Variants in CAVIN1 observed in about 807,000 individuals in gnomAD.
The protein encoded by CAVIN1 is caveolae-associated protein 1.
CAVIN1 carries 16 observed loss-of-function variants against 24.0 expected under a neutral mutation model. That is an observed-to-expected ratio of 0.67 (90% CI 0.45 to 1.01). CAVIN1 has a LOEUF of 1.01. Ranked by LOEUF, CAVIN1 falls within the 50% of genes least tolerant of loss-of-function variation. The pLI is 0.00. For missense variants in CAVIN1, 510 were observed against 551.7 expected, an observed-to-expected ratio of 0.92 and a Z score of 0.76; for synonymous variants, 256 against 256.4, an observed-to-expected ratio of 1.00 and a Z score of 0.02.
At chr17:42,420,101 A>G (rs1023141995) in intron 1 of CAVIN1, among the ~76,000 whole-genome samples, 1 of 151,564 alleles carries the variant, frequency 6.6e-6, no homozygotes, top group African/African-American at 2.4e-5. Flanking sequence ...CCACTGCCAC[A>G]TCATCACCTC....
intron 1 of CAVIN1, among the ~76,000 whole-genome samples, chr17:42,409,369 G>C (rs1387560676): frequency 1.3e-5 from 2 of 152,212 alleles, no homozygotes; most frequent in South Asian, 4.1e-4. Flanking sequence ...CCAAAGTGCT[G>C]AGATTTCTCG....
Position 42,411,207 on chromosome 17 carries a change from A to AC in CAVIN1, c.472-5820_472-5819insG, listed in dbSNP as rs1555586984. Among the ~76,000 whole-genome samples the AC allele has an allele frequency of 2.0e-4, 25 of 127,618 alleles. 3 individuals are homozygous for AC. In the South Asian group the frequency reaches 6.5e-3, roughly 33 times the overall value. 83.7% of individuals were successfully genotyped at this position (127,618 alleles called of 152,430 possible). On this transcript the variant is annotated intron_variant, in intron 1 of 1. Transcript: ENST00000357037. ...GACTATGTCTCAAAAAAAAAAAAAA[A>AC]AACTAAAAGGTCTGTATATGGGAGT...
intron 1 of CAVIN1, among the ~76,000 whole-genome samples, chr17:42,416,192 A>AC (rs1162685891): frequency 6.6e-6 from 1 of 151,990 alleles, no homozygotes; most frequent in Non-Finnish European, 1.5e-5. Context: ...ACATGGTGAA[A>AC]CCCCGTCTCT....
intron 1 of CAVIN1, among the ~76,000 whole-genome samples, chr17:42,417,929 G>C (rs4796652): frequency 0.51 from 76,803 of 151,980 alleles, 21,345 homozygotes; most frequent in Admixed American, 0.66. Flanking sequence ...CAAAGTGCTG[G>C]GATTACAGGT....
At chr17:42,405,679 C>CTTTTTTTTTTT (rs1567776651) in intron 1 of CAVIN1, among the ~76,000 whole-genome samples, 7 of 66,124 alleles carry the variant, frequency 1.1e-4, no homozygotes, top group Non-Finnish European at 1.6e-4. Flanking sequence ...TCTCTCTCTC[C>CTTTTTTTTTTT]TTGTTTTTTT....
chr17:42,411,270 T>G (rs1432490923), intron 1 of CAVIN1: 1 of 168,702 alleles, frequency 5.9e-6, no homozygotes, highest in African/African-American at 2.5e-5. Flanking sequence ...CAACAAAAAC[T>G]GGCTGGGTGA....
chr17:42,405,692 T>TTTTTTTTTG (rs2085441951), intron 1 of CAVIN1, among the ~76,000 whole-genome samples: 1 of 122,530 alleles, frequency 8.2e-6, no homozygotes, highest in Non-Finnish European at 1.6e-5. Flanking sequence ...GTTTTTTTTT[T>TTTTTTTTTG]TTTTTTTTTT....
chr17:42,423,220 A>T lies in CAVIN1; in HGVS notation c.-123T>A, dbSNP rs943960748. 1.7e-5 allele frequency: 14 copies of T among 801,642 alleles called. 1 individual carries two copies. In the South Asian group the frequency reaches 2.6e-4, roughly 15 times the overall value. The allele number at this position is 801,642 out of a possible 1,614,324, so 49.7% of individuals were successfully genotyped here. On this transcript the variant is annotated 5_prime_UTR_variant, in exon 1 of 2. Coordinates refer to ENST00000357037, the MANE Select transcript of CAVIN1 (RefSeq NM_012232.6). Reference sequence around the variant, plus strand: ...GAGAGCGGAGAGCAGAGGAAACTCGAGCCACGTCCGTGCGCACCGGGACAG... The same window carrying T: ...GAGAGCGGAGAGCAGAGGAAACTCGTGCCACGTCCGTGCGCACCGGGACAG...
chr17:42,407,757 T>C (rs187528608), intron 1 of CAVIN1, among the ~76,000 whole-genome samples: 2 of 152,314 alleles, frequency 1.3e-5, no homozygotes, highest in Admixed American at 6.5e-5. Context: ...GTGCAGATCA[T>C]GGGCAATCCT....
Position 42,404,842 on chromosome 17 carries a change from C to T in CAVIN1, c.1018G>A (p.Glu340Lys), listed in dbSNP as rs750106182. The T allele has an allele frequency of 6.2e-7, 1 of 1,613,746 alleles. No individual in the cohort carries two copies. The highest frequency in any genetic ancestry group is 8.5e-7 in the Non-Finnish European group (1 of 1,179,800). ...TCGTCGGCGCCCACCTCCACCATCT[C>T]GGTGGCCTTGAGCACTTCCACCTGG... ...EGQVEVLKAT[E>K]MVEVGADDDE... is the part of the protein sequence containing the mutation. The change falls in exon 2 of 2, where the codon GAG (glutamate) becomes AAG (lysine). Residue 340 changes from glutamate (E) to lysine (K), a missense_variant. Physicochemically the swap from Glu to Lys is moderately conservative, Grantham distance 56. Transcript: ENST00000357037.
chr17:42,405,496 T>G, intron 1 of CAVIN1, 108 bp from the exon 2 acceptor site: 1 of 1,186,896 alleles, frequency 8.4e-7, no homozygotes, highest in Non-Finnish European at 1.2e-6. Flanking sequence ...GGGACGCTCG[T>G]GGTCCCCAGG....
chr17:42,411,526 G>A (rs2085478767), intron 1 of CAVIN1: 1 of 985,404 alleles, frequency 1.0e-6, no homozygotes, highest in African/African-American at 1.7e-5. Context: ...CCCCACCCAA[G>A]GCAGGATCTG....
intron 1 of CAVIN1, among the ~76,000 whole-genome samples, chr17:42,413,943 T>G (rs2085496897): frequency 6.6e-6 from 1 of 152,276 alleles, no homozygotes; most frequent in African/African-American, 2.4e-5. Flanking sequence ...TCACCCAGGC[T>G]GTGGAGTATA....
intron 1 of CAVIN1, among the ~76,000 whole-genome samples, chr17:42,419,798 G>A (rs1283679602): frequency 6.6e-6 from 1 of 152,092 alleles, no homozygotes; most frequent in African/African-American, 2.4e-5. Flanking sequence ...GACAGGGAAG[G>A]AAATGCCAGA....
intron 1 of CAVIN1, 94 bp downstream of exon 1, chr17:42,422,533 C>G: frequency 3.8e-6 from 3 of 796,078 alleles, no homozygotes; most frequent in East Asian, 9.9e-5. Context: ...GGGAGGGGAG[C>G]AGCGCCACGG....
chr17:42,418,229 C>CTTTT (rs555569816), intron 1 of CAVIN1, among the ~76,000 whole-genome samples: 2 of 129,474 alleles, frequency 1.5e-5, no homozygotes, highest in African/African-American at 3.0e-5. Flanking sequence ...ACTGTATTTC[C>CTTTT]TTTTTTTTTT....
chr17:42,414,339 C>T (rs2085499304), intron 1 of CAVIN1, among the ~76,000 whole-genome samples: 1 of 152,158 alleles, frequency 6.6e-6, no homozygotes, highest in Non-Finnish European at 1.5e-5. Flanking sequence ...CTTGCCACCC[C>T]TCCCTCTTGC....
At chr17:42,412,042 C>A in intron 1 of CAVIN1, 4 of 985,318 alleles carry the variant, frequency 4.1e-6, no homozygotes, top group Non-Finnish European at 4.8e-6. Context: ...ATCCGGGAGA[C>A]CCTAAACACT....
At position 42,404,052 on chromosome 17, in the gene CAVIN1, C is replaced by A; in HGVS notation, c.*635G>T. ...CCCTCACATGCATGTCGTTCCCCAC[C>A]CCTCCTTCCCAGGGCTTCTCTTGGC... On this transcript the variant is annotated 3_prime_UTR_variant, in exon 2 of 2. Coordinates refer to ENST00000357037, the MANE Select transcript of CAVIN1 (RefSeq NM_012232.6). 6.5e-6 allele frequency: 1 copy of A among 153,106 alleles called. No homozygotes were observed. The allele number at this position is 153,106 out of a possible 1,614,324, so 9.5% of individuals were successfully genotyped here. A position where few individuals can be genotyped will look rare whatever the true frequency, so the allele number is the denominator to read the frequency against.
Sources: allele counts gnomAD v4.1 joint callset (sites outside exome capture counted in the v4.1 genomes callset), GRCh38; gene constraint gnomAD v4.1.1; transcripts MANE v1.5; gene names NCBI Gene and HGNC (gene_info 2026-07-23, HGNC 2026-07-21).